Variants in TIAM2 observed in about 807,000 individuals in gnomAD.
TIAM2 encodes the protein rho guanine nucleotide exchange factor TIAM2.
In TIAM2, 80 loss-of-function variants were observed where a neutral mutation model predicts 152.9. The ratio of observed to expected loss-of-function variants is 0.52; its 90% CI spans 0.44 to 0.63. TIAM2 has a LOEUF of 0.63. Ranked by LOEUF, TIAM2 falls within the 30% of genes least tolerant of loss-of-function variation. The probability of loss-of-function intolerance (pLI) is 0.00; values close to 1 mark genes in which losing one functional copy is unlikely to be tolerated. For synonymous variants in TIAM2, 804 were observed against 838.0 expected, an observed-to-expected ratio of 0.96 and a Z score of 0.70; for missense variants, 1,965 against 2,120.1, an observed-to-expected ratio of 0.93 and a Z score of 1.44.
In TIAM2 at chr6:155,133,803, C is replaced by T. The variant is rs12665393; in HGVS notation, c.1195-3374C>T. The stretch of plus-strand genomic sequence containing the variant: ...AGGCTGTAGTGCAGTGGCGCCATGT[C>T]GGCTCACTCAAGCGATTCTCCTGCC... On this transcript the variant is annotated intron_variant, in intron 4 of 26. Coordinates refer to ENST00000682666, the MANE Select transcript of TIAM2 (RefSeq NM_012454.4). Among the ~76,000 whole-genome samples, 478 of 151,412 alleles carry T rather than the reference C, an allele frequency of 3.2e-3. 3 individuals carry two copies. Among genetic ancestry groups the T allele is most frequent in the East Asian group, 0.017 (89 of 5,138 alleles).
intron 15 of TIAM2, among the ~76,000 whole-genome samples, chr6:155,221,110 GT>G (rs35638764): frequency 0.011 from 1,124 of 98,646 alleles, 8 homozygotes; most frequent in South Asian, 0.063. Flanking sequence ...CTTTCATCTT[GT>G]TTTTTTTTTT....
intron 1 of TIAM2, among the ~76,000 whole-genome samples, chr6:155,068,957 G>A (rs113502914): frequency 0.012 from 1,789 of 152,000 alleles, 45 homozygotes; most frequent in African/African-American, 0.041. Flanking sequence ...TTGCTCCATC[G>A]CCCAGGCTGG....
chr6:155,015,928 C>A (rs1040248041), intron 1 of TIAM2, among the ~76,000 whole-genome samples: 126 of 138,338 alleles, frequency 9.1e-4, no homozygotes, highest in African/African-American at 3.2e-3. Flanking sequence ...CAGAGCAAGA[C>A]CCTGTTTCAA....
At chr6:155,015,500 A>G (rs541206642) in intron 1 of TIAM2, among the ~76,000 whole-genome samples, 1 of 152,318 alleles carries the variant, frequency 6.6e-6, no homozygotes, top group South Asian at 2.1e-4. Flanking sequence ...AAGAGAGGCA[A>G]AAAAGACAGG....
At chr6:155,047,310 C>T (rs1777197704) in intron 1 of TIAM2, among the ~76,000 whole-genome samples, 1 of 152,210 alleles carries the variant, frequency 6.6e-6, no homozygotes, top group Non-Finnish European at 1.5e-5. Context: ...TCCCAAGTAG[C>T]TGGGATTACA....
intron 15 of TIAM2, 126 bp from the exon 16 acceptor site, chr6:155,240,404 G>A (rs1310319311): frequency 2.1e-6 from 2 of 966,142 alleles, no homozygotes; most frequent in Non-Finnish European, 3.0e-6. Flanking sequence ...GAAACCCTTT[G>A]CCCTACACAG....
In TIAM2 at chr6:155,129,975, A is replaced by C; in HGVS notation, c.752A>C (p.Asp251Ala). 6.2e-7 allele frequency: 1 copy of C among 1,613,250 alleles called. No homozygotes were observed. The highest frequency in any genetic ancestry group is 1.1e-5 in the South Asian group (1 of 91,034). The part of the protein sequence containing the change: ...SSLSSESSWY[D>A]SPWGNAGELS... ...CTGAGTTCTGAGTCATCCTGGTACGACTCCCCTTGGGGCAATGCTGGAGAG... is the reference window on the plus strand; with the variant it reads ...CTGAGTTCTGAGTCATCCTGGTACGCCTCCCCTTGGGGCAATGCTGGAGAG... Residue 251 changes from aspartate to alanine, a missense_variant, in exon 4 of 27, where the codon GAC becomes GCC. Physicochemically the swap from Asp to Ala is moderately radical, Grantham distance 126. This residue lies in a region of TIAM2 where 1,025 missense variants were observed against 1,119.4 expected (regional missense o/e 0.92). Transcript: ENST00000682666. This position sits in a 1 kb window ranked among gnomAD's most constrained non-coding sequence, Gnocchi z 4.8.
rs1374182183 is a variant in TIAM2 at position 154,995,406 on chromosome 6, C to T, written c.-295C>T. The stretch of plus-strand genomic sequence containing the variant: ...GTGACCCCCAGAACTTCTCCAACTC[C>T]TCCCGGCGTTCCCGCGAGGGCCACG... On this transcript the variant is annotated 5_prime_UTR_variant, in exon 1 of 27. Transcript: ENST00000682666. The surrounding 1 kb of genome is among the most constrained non-coding windows in gnomAD (Gnocchi z 5.2). 6.6e-6 allele frequency: 1 copy of T among 151,020 alleles called. No individual in the cohort carries two copies. Among genetic ancestry groups the T allele is most frequent in the Non-Finnish European group, 1.5e-5 (1 of 67,592 alleles). 9.4% of individuals were successfully genotyped at this position (151,020 alleles called of 1,614,324 possible). A position where few individuals can be genotyped will look rare whatever the true frequency, so the allele number is the denominator to read the frequency against.
intron 14 of TIAM2, 51 bp from the exon 15 acceptor site, chr6:155,211,153 A>C (rs1781708214): frequency 1.3e-6 from 2 of 1,540,542 alleles, no homozygotes; most frequent in Non-Finnish European, 1.8e-6. Flanking sequence ...GGGTGTTATT[A>C]TTCTCTGCAA....
intron 4 of TIAM2, among the ~76,000 whole-genome samples, chr6:155,131,971 C>T (rs1027657450): frequency 5.3e-5 from 8 of 151,730 alleles, no homozygotes; most frequent in African/African-American, 1.9e-4. Flanking sequence ...AATATATATA[C>T]TGATAAAACT....
At chr6:155,010,655 A>G (rs888405978) in intron 1 of TIAM2, among the ~76,000 whole-genome samples, 1 of 151,938 alleles carries the variant, frequency 6.6e-6, no homozygotes, top group African/African-American at 2.4e-5. Context: ...GGGTTTCTCC[A>G]TGTTGGTCAG....
chr6:155,022,021 C>A (rs1447735313), intron 1 of TIAM2, among the ~76,000 whole-genome samples: 1 of 152,188 alleles, frequency 6.6e-6, no homozygotes, highest in Admixed American at 6.5e-5. Context: ...TAATTGCCAA[C>A]TAGTAGCATC....
At chr6:155,256,073 A>T (rs1784002909) in intron 26 of TIAM2, 2 of 232,072 alleles carry the variant, frequency 8.6e-6, no homozygotes, top group Admixed American at 5.1e-5. Flanking sequence ...GAAATCCACA[A>T]GGTGAGAAGA....
At position 155,187,573 on chromosome 6, in the gene TIAM2, C is replaced by CTTTTTTTTTTTTTTTTTTTTT. The variant is rs59818801; in HGVS notation, c.3064+4076_3064+4096dup. ...AACCCCCCCTCCCCCACCCCGCCCC[C>CTTTTTTTTTTTTTTTTTTTTT]TTTTTTTTTTTTTTTTTTTTTTTGA... is the stretch of plus-strand genomic sequence containing the variant. On this transcript the variant is annotated intron_variant, in intron 14 of 26. Transcript: ENST00000682666. Among the ~76,000 whole-genome samples, 44 of 49,620 alleles carry CTTTTTTTTTTTTTTTTTTTTT rather than the reference C, an allele frequency of 8.9e-4. 3 individuals are homozygous for CTTTTTTTTTTTTTTTTTTTTT. The highest frequency in any genetic ancestry group is 1.0e-3 in the Non-Finnish European group (28 of 27,078). 32.6% of individuals were successfully genotyped at this position (49,620 alleles called of 152,430 possible). A position where few individuals can be genotyped will look rare whatever the true frequency, so the allele number is the denominator to read the frequency against.
At chr6:155,233,037 C>T (rs1303108441) in intron 15 of TIAM2, 1 of 152,194 alleles carries the variant, frequency 6.6e-6, no homozygotes, top group Non-Finnish European at 1.5e-5. Context: ...TACCCAGAAT[C>T]CCTAAATGAG....
intron 1 of TIAM2, among the ~76,000 whole-genome samples, chr6:155,025,786 C>T (rs539629239): frequency 3.1e-4 from 46 of 150,702 alleles, no homozygotes; most frequent in African/African-American, 7.5e-4. Flanking sequence ...TTTTCATACC[C>T]ATACATAAAA....
At chr6:155,235,158 C>T (rs1486461897) in intron 15 of TIAM2, among the ~76,000 whole-genome samples, 3 of 152,264 alleles carry the variant, frequency 2.0e-5, no homozygotes, top group Non-Finnish European at 4.4e-5. Flanking sequence ...CATGGTAAAG[C>T]TGCAATGCTG....
intron 1 of TIAM2, among the ~76,000 whole-genome samples, chr6:155,084,457 G>A (rs73792688): frequency 0.021 from 3,125 of 152,280 alleles, 106 homozygotes; most frequent in African/African-American, 0.071. Context: ...CACTGGATAC[G>A]TGAACCCTTG....
chr6:155,214,500 C>T lies in TIAM2; in HGVS notation c.3168+3193C>T, dbSNP rs1781805652. On this transcript the variant is annotated intron_variant, in intron 15 of 26. Transcript: ENST00000682666. This position sits in a 1 kb window ranked among gnomAD's most constrained non-coding sequence, Gnocchi z 5.4. ...CTCCCTTTCACTTCCTCACTACCTG[C>T]TCTCTTCTCCCGTTTTCCATGCACC... Among the ~76,000 whole-genome samples, 1 of 152,168 alleles carries T rather than the reference C, an allele frequency of 6.6e-6. No individual in the cohort carries two copies. The highest frequency in any genetic ancestry group is 2.4e-5 in the African/African-American group (1 of 41,446).
Sources: gnomAD v4.1 joint callset for allele counts (sites outside exome capture counted in the v4.1 genomes callset) on GRCh38, gnomAD v4.1.1 for gene constraint, gnomAD v4.1.1 regional missense constraint, Gnocchi (gnomAD v3.1) non-coding constraint, MANE v1.5 for transcripts, NCBI Gene and HGNC (gene_info 2026-07-23, HGNC 2026-07-21) for gene names.